TBC1D23: variants seen among roughly 807,000 people sequenced by gnomAD.
TBC1D23 encodes the protein TBC1 domain family member 23.
TBC1D23 carries 55 observed loss-of-function variants against 91.4 expected under a neutral mutation model. That is an observed-to-expected ratio of 0.60 (90% CI 0.48 to 0.75). The LOEUF is 0.75. Among genes scored for constraint, TBC1D23 ranks in the 30% least tolerant of loss-of-function variants. The probability of loss-of-function intolerance (pLI) is 0.00; values close to 1 mark genes in which losing one functional copy is unlikely to be tolerated. For missense variants in TBC1D23, 725 were observed against 836.1 expected (o/e 0.87, Z 1.64); for synonymous variants, 289 against 281.0 (o/e 1.03, Z -0.28).
intron 1 of TBC1D23, among the ~76,000 whole-genome samples, chr3:100,273,206 G>GT (rs1427138351): frequency 6.6e-6 from 1 of 152,180 alleles, no homozygotes; most frequent in South Asian, 2.1e-4. Context: ...TTAGGGAGTG[G>GT]TGATGACTGT....
Position 100,323,608 on chromosome 3 carries a change from G to C in TBC1D23, c.2040G>C (p.Gly680=). 6.6e-7 allele frequency: 1 copy of C among 1,520,888 alleles called. No homozygotes were observed. The highest frequency in any genetic ancestry group is 8.8e-7 in the Non-Finnish European group (1 of 1,133,910). 94.2% of individuals were successfully genotyped at this position (1,520,888 alleles called of 1,614,324 possible). A position where few individuals can be genotyped will look rare whatever the true frequency, so the allele number is the denominator to read the frequency against. Reference sequence around the variant, plus strand: ...TTAGGTATTTGATTCCAAATGCAGGGGATGCAACTAAAGCCATAAAACAGC... The same window carrying C: ...TTAGGTATTTGATTCCAAATGCAGGCGATGCAACTAAAGCCATAAAACAGC... ...AIERYLIPNA[G]DATKAIKQQI... The change falls in exon 19 of 19, where the codon GGG becomes GGC. Residue 680 remains glycine, a synonymous_variant. Coordinates refer to ENST00000394144, the MANE Select transcript of TBC1D23 (RefSeq NM_001199198.3).
At chr3:100,319,731 A>G (rs1010924378) in intron 17 of TBC1D23, among the ~76,000 whole-genome samples, 1 of 152,050 alleles carries the variant, frequency 6.6e-6, no homozygotes, top group African/African-American at 2.4e-5. Flanking sequence ...GCCGGCCATG[A>G]TTCTTAGATT....
intron 5 of TBC1D23, 108 bp from the exon 6 acceptor site, chr3:100,294,979 A>G (rs1331744259): frequency 3.7e-6 from 4 of 1,089,578 alleles, no homozygotes; most frequent in African/African-American, 1.6e-5. Context: ...ATTAAATATC[A>G]GGTGCAGATA....
rs1013258809 is a variant in TBC1D23, at chr3:100,305,151, G to A, written c.1306+263G>A. The stretch of plus-strand genomic sequence containing the variant: ...TTTTTGTAAAGATGAATGAAAAACT[G>A]CCCATATGATTGCCTCTATGGAGAA... On this transcript the variant is annotated intron_variant, in intron 12 of 18. Transcript: ENST00000394144. Among the ~76,000 whole-genome samples the A allele has an allele frequency of 4.6e-5, 7 of 152,244 alleles. No homozygotes were observed. In the East Asian group the frequency reaches 9.6e-4, roughly 21 times the overall value.
At chr3:100,295,396 T>C in intron 7 of TBC1D23, 48 bp downstream of exon 7, 1 of 1,461,928 alleles carries the variant, frequency 6.8e-7, no homozygotes, top group East Asian at 2.3e-5. Context: ...TCTTTATCTG[T>C]GTAAGTTACT....
chr3:100,261,068 G>C lies in TBC1D23; in HGVS notation c.50G>C (p.Gly17Ala), dbSNP rs761011734. The C allele has an allele frequency of 1.9e-6, 3 of 1,613,366 alleles. No individual in the cohort carries two copies. The highest frequency in any genetic ancestry group is 2.5e-6 in the Non-Finnish European group (3 of 1,179,444). ...CCGCTGCCAACGTCGAGCGGCGACGGCTGGTGAGTGAAAGCCGGGGCTAAT... is the reference window on the plus strand; with the variant it reads ...CCGCTGCCAACGTCGAGCGGCGACGCCTGGTGAGTGAAAGCCGGGGCTAAT... ...VPPLPTSSGD[G>A]WEKDLEEALE... The change falls in exon 1 of 19, where the codon GGC becomes GCC. Residue 17 changes from glycine (G) to alanine (A), a missense_variant. Gly to Ala is a moderately conservative substitution (Grantham distance 60). Transcript: ENST00000394144.
intron 4 of TBC1D23, among the ~76,000 whole-genome samples, chr3:100,289,067 G>T (rs1412765104): frequency 6.6e-6 from 1 of 151,868 alleles, no homozygotes; most frequent in African/African-American, 2.4e-5. Context: ...TACAAAAATC[G>T]CCTGGGCATG....
intron 5 of TBC1D23, 47 bp downstream of exon 5, chr3:100,290,748 A>G: frequency 4.0e-6 from 6 of 1,516,940 alleles, no homozygotes; most frequent in Non-Finnish European, 5.3e-6. Flanking sequence ...AGATTTATGT[A>G]AAGCTATAGT....
At chr3:100,270,705 C>T (rs1324816134) in intron 1 of TBC1D23, among the ~76,000 whole-genome samples, 1 of 152,150 alleles carries the variant, frequency 6.6e-6, no homozygotes, top group African/African-American at 2.4e-5. Context: ...TGAATAATAT[C>T]ATATGCAATA....
chr3:100,306,215 A>G (rs756333499), intron 12 of TBC1D23, among the ~76,000 whole-genome samples: 8 of 152,198 alleles, frequency 5.3e-5, no homozygotes, highest in Non-Finnish European at 1.0e-4. Context: ...CAGTTAAGAA[A>G]AGTTATCCGT....
At chr3:100,285,544 C>T (rs1317607717) in intron 4 of TBC1D23, among the ~76,000 whole-genome samples, 1 of 152,152 alleles carries the variant, frequency 6.6e-6, no homozygotes, top group Non-Finnish European at 1.5e-5. Context: ...TGTGAACGTT[C>T]ATATACAAGT....
Position 100,311,897 on chromosome 3 carries a change from AT to A in TBC1D23, c.1598+25del, listed in dbSNP as rs2148869467. On this transcript the variant is annotated intron_variant, in intron 15 of 18. Coordinates refer to ENST00000394144, the MANE Select transcript of TBC1D23 (RefSeq NM_001199198.3). ...AGAGCGGTAAGCCAATGAGTAGAGC[AT>A]TTTTCTTGAACCATCCTTTTCCTTT... 3.3e-6 allele frequency: 5 copies of A among 1,516,438 alleles called. No homozygotes were observed. Among genetic ancestry groups the A allele is most frequent in the South Asian group, 1.2e-5 (1 of 83,574 alleles). The allele number at this position is 1,516,438 out of a possible 1,614,324, so 93.9% of individuals were successfully genotyped here.
At chr3:100,271,014 A>T (rs997312894) in intron 1 of TBC1D23, among the ~76,000 whole-genome samples, 2 of 152,208 alleles carry the variant, frequency 1.3e-5, no homozygotes, top group Admixed American at 6.5e-5. Flanking sequence ...ATTCAATTTT[A>T]AGAATTTTGA....
At chr3:100,277,757 TTTTC>T (rs2067662396) in intron 1 of TBC1D23, among the ~76,000 whole-genome samples, 2 of 152,208 alleles carry the variant, frequency 1.3e-5, no homozygotes, top group Admixed American at 1.3e-4. Flanking sequence ...TGCCATTAAA[TTTTC>T]TTTGTTTCAT....
intron 15 of TBC1D23, among the ~76,000 whole-genome samples, chr3:100,313,010 A>AAAT (rs3081898): frequency 0.22 from 32,871 of 149,272 alleles, 4,099 homozygotes; most frequent in East Asian, 0.44. Context: ...GCGTCTCAAA[A>AAAT]AATAATAATA....
chr3:100,306,562 T>C lies in TBC1D23; in HGVS notation c.1413+19T>C, dbSNP rs1378694682. 6.9e-7 allele frequency: 1 copy of C among 1,444,072 alleles called. No individual in the cohort carries two copies. The highest frequency in any genetic ancestry group is 1.4e-5 in the African/African-American group (1 of 71,466). 89.5% of individuals were successfully genotyped at this position (1,444,072 alleles called of 1,614,324 possible). On this transcript the variant is annotated intron_variant, in intron 13 of 18. Transcript: ENST00000394144. ...TGTTGATGTAAGTATATGTAGAGAA[T>C]ATGTTACCGGATTTGGATAAGTTCC...
chr3:100,304,011 T>TA (rs1233725090), intron 11 of TBC1D23, among the ~76,000 whole-genome samples: 2 of 152,032 alleles, frequency 1.3e-5, no homozygotes, highest in Admixed American at 6.6e-5. Flanking sequence ...CATACTTTAT[T>TA]AAAAAAAATT....
intron 5 of TBC1D23, among the ~76,000 whole-genome samples, chr3:100,294,558 G>T (rs1019622523): frequency 6.6e-6 from 1 of 152,042 alleles, no homozygotes; most frequent in Non-Finnish European, 1.5e-5. Flanking sequence ...ACTGCGCCCG[G>T]CCTAATCTCT....
At chr3:100,297,758 G>A (rs1705330441) in intron 8 of TBC1D23, among the ~76,000 whole-genome samples, 165 bp from the exon 9 acceptor site, 1 of 150,502 alleles carries the variant, frequency 6.6e-6, no homozygotes, top group Non-Finnish European at 1.5e-5. Context: ...TGACATTTTT[G>A]TAGTTCTTAG....
Sources: gnomAD v4.1 joint callset for allele counts (sites outside exome capture counted in the v4.1 genomes callset) on GRCh38, gnomAD v4.1.1 for gene constraint, MANE v1.5 for transcripts, NCBI Gene and HGNC (gene_info 2026-07-23, HGNC 2026-07-21) for gene names.